Variants in RORB observed in about 807,000 individuals in gnomAD.
RORB encodes nuclear receptor ROR-beta.
Under a neutral mutation model 59.1 loss-of-function variants are expected in RORB, and 6 were observed. The ratio of observed to expected loss-of-function variants is 0.10; its 90% CI spans 0.06 to 0.20. The LOEUF (loss-of-function observed/expected upper bound fraction) is 0.20, where lower values mean the gene tolerates loss of function less well. Among genes scored for constraint, RORB ranks in the 10% least tolerant of loss-of-function variants. The probability of loss-of-function intolerance (pLI) is 1.00; values close to 1 mark genes in which losing one functional copy is unlikely to be tolerated. For synonymous variants in RORB, 215 were observed against 204.5 expected (o/e 1.05, Z -0.44); for missense variants, 320 against 560.5 (o/e 0.57, Z 4.33).
intron 9 of RORB, among the ~76,000 whole-genome samples, chr9:74,681,777 C>T (rs1462397481): frequency 6.6e-6 from 1 of 152,124 alleles, no homozygotes; most frequent in Non-Finnish European, 1.5e-5. Flanking sequence ...CACACACCAC[C>T]CTGTCACTAA....
In RORB at chr9:74,553,873, T is replaced by C. The variant is rs140844162; in HGVS notation, c.7+55890T>C. 9.2e-5 allele frequency among the ~76,000 whole-genome samples: 14 copies of C among 152,290 alleles called. No individual in the cohort carries two copies. In the East Asian group the frequency reaches 2.3e-3, roughly 25 times the overall value. ...CCCAGGCGTAAACAATATGCAACCA[T>C]CTAGAACTGACATGAAATGATCTGT... is the stretch of plus-strand genomic sequence containing the variant. On this transcript the variant is annotated intron_variant, in intron 1 of 9. Transcript: ENST00000376896.
intron 1 of RORB, among the ~76,000 whole-genome samples, chr9:74,508,003 T>G (rs1167635729): frequency 1.3e-5 from 2 of 151,938 alleles, no homozygotes; most frequent in Non-Finnish European, 2.9e-5. Flanking sequence ...ATAAATTATT[T>G]AGAATTTTTT....
At chr9:74,617,594 G>A (rs914784305) in intron 1 of RORB, among the ~76,000 whole-genome samples, 39 of 152,280 alleles carry the variant, frequency 2.6e-4, no homozygotes, top group Non-Finnish European at 4.3e-4. Flanking sequence ...TGCAGTATCA[G>A]CAGAACAGGC....
At chr9:74,550,213 A>G (rs569237490) in intron 1 of RORB, among the ~76,000 whole-genome samples, 1 of 152,240 alleles carries the variant, frequency 6.6e-6, no homozygotes, top group Admixed American at 6.5e-5. Context: ...GCATTTTTTC[A>G]CTTAAAGAAG....
At chr9:74,606,753 T>G (rs1823155636) in intron 1 of RORB, among the ~76,000 whole-genome samples, 1 of 152,232 alleles carries the variant, frequency 6.6e-6, no homozygotes, top group Non-Finnish European at 1.5e-5. Context: ...GTACCTGTAT[T>G]CTTTCTGACA....
At chr9:74,590,743 C>T (rs556238765) in intron 1 of RORB, among the ~76,000 whole-genome samples, 1 of 152,250 alleles carries the variant, frequency 6.6e-6, no homozygotes, top group African/African-American at 2.4e-5. Context: ...TTTGTATTTT[C>T]ACTTCAAAAA....
intron 1 of RORB, among the ~76,000 whole-genome samples, chr9:74,588,673 C>A (rs976968644): frequency 9.2e-5 from 14 of 152,230 alleles, no homozygotes; most frequent in African/African-American, 3.4e-4. Context: ...AAAAACATTT[C>A]TCATTCTTTT....
At chr9:74,654,750 T>G (rs989205797) in intron 4 of RORB, among the ~76,000 whole-genome samples, 1 of 152,184 alleles carries the variant, frequency 6.6e-6, no homozygotes, top group Non-Finnish European at 1.5e-5. Flanking sequence ...AGTTATAAAT[T>G]CTGTTAATTG....
At chr9:74,665,928 G>A (rs1202519933) in intron 7 of RORB, among the ~76,000 whole-genome samples, 2 of 152,188 alleles carry the variant, frequency 1.3e-5, no homozygotes, top group African/African-American at 2.4e-5. Flanking sequence ...GATCACTTGA[G>A]CCCCAGAGTT....
At chr9:74,666,603 C>T (rs965046379) in intron 7 of RORB, among the ~76,000 whole-genome samples, 7 of 151,978 alleles carry the variant, frequency 4.6e-5, no homozygotes, top group Admixed American at 1.3e-4. Flanking sequence ...CCTGGTCATC[C>T]ATGGTGGTGA....
At chr9:74,662,640 G>A (rs1378745255) in intron 6 of RORB, 34 bp downstream of exon 6, 6 of 1,607,988 alleles carry the variant, frequency 3.7e-6, no homozygotes, top group Non-Finnish European at 5.1e-6. Flanking sequence ...GCCTATTTCA[G>A]ATAAGGATGT....
chr9:74,555,356 A>G (rs1822272096), intron 1 of RORB, among the ~76,000 whole-genome samples: 1 of 152,250 alleles, frequency 6.6e-6, no homozygotes, highest in African/African-American at 2.4e-5. Context: ...GCAGCCAGTA[A>G]TCAGGAGACA....
At chr9:74,674,780 A>G (rs1475589193) in intron 9 of RORB, among the ~76,000 whole-genome samples, 1 of 152,182 alleles carries the variant, frequency 6.6e-6, no homozygotes, top group Admixed American at 6.5e-5. Flanking sequence ...CTATTAAAAC[A>G]TCTAGTTTCT....
chr9:74,559,069 ATGT>A (rs537817113), intron 1 of RORB, among the ~76,000 whole-genome samples: 25 of 152,276 alleles, frequency 1.6e-4, no homozygotes, highest in African/African-American at 5.5e-4. Context: ...CCACTTTAAA[ATGT>A]TGTATTTGGT....
At chr9:74,598,521 T>C (rs990262189) in intron 1 of RORB, among the ~76,000 whole-genome samples, 2 of 152,224 alleles carry the variant, frequency 1.3e-5, no homozygotes, top group African/African-American at 4.8e-5. Context: ...AAAGTATAGT[T>C]TATATTTGTA....
chr9:74,691,249 C>T lies in RORB; in HGVS notation c.*5631C>T, dbSNP rs890275368. 1.3e-5 allele frequency: 2 copies of T among 152,170 alleles called. No homozygotes were observed. Among genetic ancestry groups the T allele is most frequent in the Admixed American group, 6.6e-5 (1 of 15,264 alleles). The allele number at this position is 152,170 out of a possible 1,614,324, so 9.4% of individuals were successfully genotyped here. A position where few individuals can be genotyped will look rare whatever the true frequency, so the allele number is the denominator to read the frequency against. On this transcript the variant is annotated 3_prime_UTR_variant, in exon 10 of 10. Transcript: ENST00000376896. ...GCCAAAAATAAAGCACAAGGGTTAC[C>T]GGAATTGAATGAGCCCTGTTCAGGG...
intron 1 of RORB, among the ~76,000 whole-genome samples, chr9:74,610,573 AT>A (rs1408018163): frequency 6.6e-6 from 1 of 152,208 alleles, no homozygotes; most frequent in Non-Finnish European, 1.5e-5. Flanking sequence ...TAATACCATC[AT>A]CTTGAGGGTA....
At chr9:74,677,890 T>C (rs1824472243) in intron 9 of RORB, among the ~76,000 whole-genome samples, 1 of 152,106 alleles carries the variant, frequency 6.6e-6, no homozygotes, top group Non-Finnish European at 1.5e-5. Context: ...ATCATTTTTG[T>C]TCACTCAATA....
chr9:74,603,624 T>C (rs1275005108), intron 1 of RORB, among the ~76,000 whole-genome samples: 1 of 152,240 alleles, frequency 6.6e-6, no homozygotes, highest in Non-Finnish European at 1.5e-5. Context: ...TCCACTGAGT[T>C]TCATTTTTAT....
Sources: gnomAD v4.1 joint callset for allele counts (sites outside exome capture counted in the v4.1 genomes callset) on GRCh38, gnomAD v4.1.1 for gene constraint, MANE v1.5 for transcripts, NCBI Gene and HGNC (gene_info 2026-07-23, HGNC 2026-07-21) for gene names.